The following TBCE variants were observed in gnomAD, a reference collection of about 807,000 sequenced individuals.
The protein encoded by TBCE is tubulin folding cofactor E, also known as tubulin-specific chaperone E.
In TBCE, 53 loss-of-function variants were observed where a neutral mutation model predicts 77.0. The ratio of observed to expected loss-of-function variants is 0.69; its 90% CI spans 0.55 to 0.87. The LOEUF (loss-of-function observed/expected upper bound fraction) is 0.87, where lower values mean the gene tolerates loss of function less well. TBCE is among the 40% of genes least tolerant of loss of function. The pLI, the probability that TBCE is intolerant of heterozygous loss-of-function variation, is 0.00. For missense variants in TBCE, 624 were observed against 622.4 expected, an observed-to-expected ratio of 1.00 and a Z score of -0.03; for synonymous variants, 235 against 241.3, an observed-to-expected ratio of 0.97 and a Z score of 0.24.
chr1:235,404,789 G>A (rs1420387463), intron 3 of TBCE, among the ~76,000 whole-genome samples: 1 of 151,338 alleles, frequency 6.6e-6, no homozygotes, highest in Non-Finnish European at 1.5e-5. Context: ...AGCCTCCTGA[G>A]TAGCTGAGAT....
At chr1:235,423,175 C>G (rs1442464880) in intron 5 of TBCE, among the ~76,000 whole-genome samples, 4 of 152,052 alleles carry the variant, frequency 2.6e-5, no homozygotes, top group Admixed American at 2.0e-4. Flanking sequence ...GAGCTGCAGA[C>G]CCGGGTGTGT....
intron 3 of TBCE, among the ~76,000 whole-genome samples, chr1:235,405,712 G>A (rs1679387363): frequency 6.6e-6 from 1 of 151,996 alleles, no homozygotes; most frequent in South Asian, 2.1e-4. Flanking sequence ...ACTTAAACTA[G>A]TAACATAGCC....
At chr1:235,400,408 C>CTTTTTTTTTT (rs71174425) in intron 2 of TBCE, among the ~76,000 whole-genome samples, 21 of 106,022 alleles carry the variant, frequency 2.0e-4, no homozygotes, top group Non-Finnish European at 2.3e-4. Context: ...TATTTTTCCT[C>CTTTTTTTTTT]TTTTTTTTTT....
chr1:235,427,157 T>G lies in TBCE; in HGVS notation c.478T>G (p.Leu160Val). ...EACPNIRKVD[L>V]SKNLLSSWDE... is the part of the protein sequence containing the mutation. ...GCTTTTAGATATCAGAAAGGTAGAT[T>G]TGTCAAAAAACCTGTTGTCATCATG... The change falls in exon 6 of 17, where the codon TTG becomes GTG. Residue 160 changes from leucine to valine, a missense_variant. By Grantham distance (32) the Leu-to-Val change is conservative. Coordinates refer to ENST00000642610, the MANE Select transcript of TBCE (RefSeq NM_003193.5). 1.2e-6 allele frequency: 2 copies of G among 1,613,554 alleles called. No individual in the cohort carries two copies. Among genetic ancestry groups the G allele is most frequent in the Non-Finnish European group, 1.7e-6 (2 of 1,179,496 alleles).
In TBCE at chr1:235,435,738, C is replaced by G; in HGVS notation, c.738-7C>G. ...TTCACGGTGAAAAAATTTTATTTTC[C>G]ATACAGGCCAACAGATGTTCTCCAG... On this transcript the variant is annotated splice_region_variant and splice_polypyrimidine_tract_variant and intron_variant, in intron 8 of 16. Transcript: ENST00000642610. The G allele has an allele frequency of 6.2e-7, 1 of 1,612,694 alleles. No individual in the cohort carries two copies. Among genetic ancestry groups the G allele is most frequent in the South Asian group, 1.1e-5 (1 of 91,042 alleles).
At position 235,449,174 on chromosome 1, in the gene TBCE, G is replaced by A. The variant is rs1482447426; in HGVS notation, c.*412G>A. 1.2e-5 allele frequency: 3 copies of A among 245,636 alleles called. No homozygotes were observed. The highest frequency in any genetic ancestry group is 2.2e-4 in the East Asian group (2 of 9,296). 15.2% of individuals were successfully genotyped at this position (245,636 alleles called of 1,614,324 possible). Reference sequence around the variant, plus strand: ...AGAAATGATTTGGTTGGTCATTTTGGGAAATGTCCCTTAAACTTGGGGAGA... The same window carrying A: ...AGAAATGATTTGGTTGGTCATTTTGAGAAATGTCCCTTAAACTTGGGGAGA... On this transcript the variant is annotated 3_prime_UTR_variant, in exon 17 of 17. Coordinates refer to ENST00000642610, the MANE Select transcript of TBCE (RefSeq NM_003193.5).
Position 235,451,602 on chromosome 1 carries a change from T to G in TBCE, c.*2840T>G, listed in dbSNP as rs759174005. 1 of 151,682 alleles carries G rather than the reference T, an allele frequency of 6.6e-6. No individual in the cohort carries two copies. The highest frequency in any genetic ancestry group is 1.5e-5 in the Non-Finnish European group (1 of 67,958). 9.4% of individuals were successfully genotyped at this position (151,682 alleles called of 1,614,324 possible). On this transcript the variant is annotated 3_prime_UTR_variant, in exon 17 of 17. Transcript: ENST00000642610. ...CAGAATTACCAGATACAAAAAAGAA[T>G]TATATTCAAAGATGAGACAAAGTAC...
chr1:235,450,581 A>G lies in TBCE; in HGVS notation c.*1819A>G. The G allele has an allele frequency of 2.1e-6, 1 of 474,172 alleles. No homozygotes were observed. Among genetic ancestry groups the G allele is most frequent in the East Asian group, 3.6e-5 (1 of 27,426 alleles). The allele number at this position is 474,172 out of a possible 1,614,324, so 29.4% of individuals were successfully genotyped here. A position where few individuals can be genotyped will look rare whatever the true frequency, so the allele number is the denominator to read the frequency against. On this transcript the variant is annotated 3_prime_UTR_variant, in exon 17 of 17. Transcript: ENST00000642610. ...CAAGGCGGTGTGTGGATGAAGAGTT[A>G]GTCAACAAATGCCATTCCGTAATGA... is the stretch of plus-strand genomic sequence containing the variant.
At chr1:235,442,515 T>G (rs1254840875) in intron 14 of TBCE, among the ~76,000 whole-genome samples, 1 of 152,270 alleles carries the variant, frequency 6.6e-6, no homozygotes, top group East Asian at 1.9e-4. Flanking sequence ...TATACATTTT[T>G]GTAACTCCTA....
intron 4 of TBCE, among the ~76,000 whole-genome samples, chr1:235,416,447 AC>A (rs1187375974): frequency 1.3e-5 from 2 of 151,924 alleles, no homozygotes; most frequent in African/African-American, 4.8e-5. Context: ...GATCACCTGA[AC>A]CCAGAAGGTC....
At position 235,424,502 on chromosome 1, in the gene TBCE, G is replaced by GT. The variant is rs1031236846; in HGVS notation, c.461-2626dup. ...ACCACGCTTGGCTGATTTTGTTTTT[G>GT]TTTTTTTTTTTTCTTTTTTTGAGAT... On this transcript the variant is annotated intron_variant, in intron 5 of 16. Transcript: ENST00000642610. Among the ~76,000 whole-genome samples, 399 of 137,798 alleles carry GT rather than the reference G, an allele frequency of 2.9e-3. 2 individuals carry two copies. The highest frequency in any genetic ancestry group is 3.7e-3 in the Middle Eastern group (1 of 268). 90.4% of individuals were successfully genotyped at this position (137,798 alleles called of 152,430 possible). A position where few individuals can be genotyped will look rare whatever the true frequency, so the allele number is the denominator to read the frequency against.
At chr1:235,442,203 T>G (rs563224445) in intron 14 of TBCE, among the ~76,000 whole-genome samples, 6 of 151,890 alleles carry the variant, frequency 4.0e-5, no homozygotes, top group African/African-American at 1.2e-4. Flanking sequence ...GGAGTTTTGC[T>G]CTTGTTGCCC....
In TBCE at chr1:235,380,161, TTGTGTGTGTGTGTGTGTGTG is replaced by T. The variant is rs10524346; in HGVS notation, c.100+46_100+65del. The T allele has an allele frequency of 0.031, 34,877 of 1,135,084 alleles. 849 individuals are homozygous for T. Among genetic ancestry groups the T allele is most frequent in the African/African-American group, 0.14 (8,676 of 63,344 alleles). 70.3% of individuals were successfully genotyped at this position (1,135,084 alleles called of 1,614,324 possible). A position where few individuals can be genotyped will look rare whatever the true frequency, so the allele number is the denominator to read the frequency against. On this transcript the variant is annotated intron_variant, in intron 2 of 16. Coordinates refer to ENST00000642610, the MANE Select transcript of TBCE (RefSeq NM_003193.5). ...CCCTCCCGTGGCAGGTAAGCAATTA[TTGTGTGTGTGTGTGTGTGTG>T]TGTGTGTGTGTGTGTGTGTGTGTGT...
intron 3 of TBCE, among the ~76,000 whole-genome samples, chr1:235,407,884 T>TC (rs1249706789): frequency 6.6e-6 from 1 of 152,038 alleles, no homozygotes; most frequent in Non-Finnish European, 1.5e-5. Flanking sequence ...TTCAGTTTTT[T>TC]TTTTCTTTCA....
rs1681448670 is a variant in TBCE at position 235,436,366 on chromosome 1, T to C, written c.834-20T>C. On this transcript the variant is annotated intron_variant, in intron 9 of 16. Coordinates refer to ENST00000642610, the MANE Select transcript of TBCE (RefSeq NM_003193.5). ...TTTTACATTGTTCTGTGTAATCAAA[T>C]TGTACATTTTGAATTTCAGGTTAGA... 6.2e-7 allele frequency: 1 copy of C among 1,605,042 alleles called. No homozygotes were observed. The highest frequency in any genetic ancestry group is 8.5e-7 in the Non-Finnish European group (1 of 1,171,840).
At chr1:235,437,744 C>T (rs548714828) in intron 12 of TBCE, among the ~76,000 whole-genome samples, 1 of 151,070 alleles carries the variant, frequency 6.6e-6, no homozygotes, top group Non-Finnish European at 1.5e-5. Flanking sequence ...CACCTGAGCC[C>T]GGGAGGCCAA....
At position 235,437,423 on chromosome 1, in the gene TBCE, A is replaced by G; in HGVS notation, c.1065A>G (p.Arg355=). ...AGGACAAAGAAGCAGAGACGGCGCG[A>G]CTACTCATTATCGCCAGCATTGGCC... The part of the protein sequence containing the change: ...TKEDKEAETA[R]LLIIASIGQL... The change falls in exon 12 of 17, where the codon CGA becomes CGG. Residue 355 remains arginine, a synonymous_variant. Transcript: ENST00000642610. 1 of 1,614,158 alleles carries G rather than the reference A, an allele frequency of 6.2e-7. No homozygotes were observed. The highest frequency in any genetic ancestry group is 2.2e-5 in the East Asian group (1 of 44,892).
intron 16 of TBCE, 27 bp from the exon 17 acceptor site, chr1:235,448,643 C>T (rs778712473): frequency 6.3e-7 from 1 of 1,587,704 alleles, no homozygotes; most frequent in South Asian, 1.1e-5. Flanking sequence ...TTAATCACAT[C>T]CTTCCCCACC....
At chr1:235,405,723 A>T (rs772480541) in intron 3 of TBCE, among the ~76,000 whole-genome samples, 4 of 152,180 alleles carry the variant, frequency 2.6e-5, no homozygotes, top group Admixed American at 1.3e-4. Context: ...TAACATAGCC[A>T]TTTATTATCA....
Sources: gnomAD v4.1 joint callset for allele counts (sites outside exome capture counted in the v4.1 genomes callset) on GRCh38, gnomAD v4.1.1 for gene constraint, MANE v1.5 for transcripts, NCBI Gene and HGNC (gene_info 2026-07-23, HGNC 2026-07-21) for gene names.